The following ZDHHC7 variants were observed in gnomAD, a reference collection of about 807,000 sequenced individuals.
ZDHHC7 encodes the protein zDHHC palmitoyltransferase 7.
A neutral mutation model predicts 34.1 loss-of-function variants in ZDHHC7; 12 were observed. The ratio of observed to expected loss-of-function variants is 0.35; its 90% CI spans 0.23 to 0.57. The LOEUF (loss-of-function observed/expected upper bound fraction) is 0.57, where lower values mean the gene tolerates loss of function less well. ZDHHC7 is among the 20% of genes least tolerant of loss of function. ZDHHC7 has a pLI of 0.84. For missense variants in ZDHHC7, 388 were observed against 402.7 expected (o/e 0.96, Z 0.31); for synonymous variants, 185 against 155.4 (o/e 1.19, Z -1.42).
intron 4 of ZDHHC7, 42 bp downstream of exon 4, chr16:84,981,828 C>A: frequency 1.2e-6 from 2 of 1,612,886 alleles, no homozygotes; most frequent in Non-Finnish European, 1.7e-6. Flanking sequence ...CACGTACCCG[C>A]AGTGGCGGAT....
chr16:84,994,550 G>A (rs1019267575), intron 2 of ZDHHC7, among the ~76,000 whole-genome samples: 1 of 152,194 alleles, frequency 6.6e-6, no homozygotes, highest in Non-Finnish European at 1.5e-5. Flanking sequence ...AGGCACACAT[G>A]TGACACCTGA....
chr16:85,020,391 G>A, the ZDHHC7 span, among the ~76,000 whole-genome samples: 2 of 152,202 alleles, frequency 1.3e-5, no homozygotes, highest in African/African-American at 2.4e-5. Context: ...CTGTTATGGA[G>A]CTTAGAGTCC....
At chr16:85,009,935 C>T (rs1446820889) in intron 1 of ZDHHC7, among the ~76,000 whole-genome samples, 1 of 152,038 alleles carries the variant, frequency 6.6e-6, no homozygotes, top group Non-Finnish European at 1.5e-5. Context: ...GTCTCGATCT[C>T]CCGACTTCGT....
intron 1 of ZDHHC7, among the ~76,000 whole-genome samples, chr16:85,003,868 C>A (rs2072683192): frequency 6.6e-6 from 1 of 152,084 alleles, no homozygotes; most frequent in South Asian, 2.1e-4. Flanking sequence ...TGGGGGACAA[C>A]ACTGACTTCC....
chr16:84,979,516 A>T (rs1228026524), intron 4 of ZDHHC7, among the ~76,000 whole-genome samples: 1 of 152,210 alleles, frequency 6.6e-6, no homozygotes, highest in Non-Finnish European at 1.5e-5. Context: ...GAAAGGTCAA[A>T]CTAAGCCATA....
At position 84,977,098 on chromosome 16, in the gene ZDHHC7, C is replaced by T; in HGVS notation, c.747G>A (p.Glu249=). Residue 249 remains glutamate (E), a synonymous_variant, in exon 7 of 8, where the codon GAG becomes GAA. Transcript: ENST00000313732. ...GTQIHSICND[E]TEIERLKSEK... ...CACAGCCGAGAACAAAGCTTACCGT[C>T]TCGTCGTTGCATATGGAGTGGATTT... 3.7e-6 allele frequency: 6 copies of T among 1,614,170 alleles called. No homozygotes were observed. The highest frequency in any genetic ancestry group is 1.1e-5 in the South Asian group (1 of 91,082).
intron 1 of ZDHHC7, among the ~76,000 whole-genome samples, chr16:85,001,218 C>T (rs920401089): frequency 1.3e-5 from 2 of 152,150 alleles, no homozygotes; most frequent in South Asian, 4.1e-4. Flanking sequence ...TGCCCGTAAT[C>T]CCAGCACTTT....
At chr16:84,995,455 G>A (rs761225314) in intron 2 of ZDHHC7, among the ~76,000 whole-genome samples, 6 of 152,114 alleles carry the variant, frequency 3.9e-5, no homozygotes, top group East Asian at 1.9e-4. Context: ...GTGAAACCCC[G>A]TCTCTACCAA....
chr16:85,010,382 TAAC>T (rs1167710303), intron 1 of ZDHHC7, among the ~76,000 whole-genome samples: 1 of 151,896 alleles, frequency 6.6e-6, no homozygotes, highest in Non-Finnish European at 1.5e-5. Context: ...CTGTAAAACA[TAAC>T]AAAAAAGAGA....
the ZDHHC7 span, among the ~76,000 whole-genome samples, chr16:85,018,236 A>T: frequency 6.6e-6 from 1 of 152,264 alleles, no homozygotes; most frequent in East Asian, 1.9e-4. Flanking sequence ...ATGTTGAGTA[A>T]AAGCAGGAAG....
At chr16:85,026,434 A>G in the ZDHHC7 span, among the ~76,000 whole-genome samples, 50 of 152,236 alleles carry the variant, frequency 3.3e-4, no homozygotes, top group African/African-American at 1.0e-3. Flanking sequence ...CTTCACATGC[A>G]TGGTGGCCAC....
intron 4 of ZDHHC7, among the ~76,000 whole-genome samples, chr16:84,979,942 G>A (rs1218459436): frequency 7.0e-6 from 1 of 143,256 alleles, no homozygotes; most frequent in Non-Finnish European, 1.5e-5. Context: ...TGCTATCATA[G>A]CGTCACCTTT....
At chr16:85,017,354 C>T in the ZDHHC7 span, among the ~76,000 whole-genome samples, 2 of 152,012 alleles carry the variant, frequency 1.3e-5, no homozygotes, top group African/African-American at 4.8e-5. Flanking sequence ...GAATGAAACA[C>T]CACCAAGGGT....
intron 1 of ZDHHC7, among the ~76,000 whole-genome samples, chr16:85,007,627 A>C (rs553278596): frequency 3.9e-5 from 6 of 152,086 alleles, no homozygotes; most frequent in Middle Eastern, 3.4e-3. Context: ...ATCAGGAAGG[A>C]GGGACTGTCT....
rs1393580167 is a variant in ZDHHC7 at position 84,975,391 on chromosome 16, C to A, written c.*952G>T. ...CGGGCTGCCCCAAGTATCAAGTCAC[C>A]GAGCCGCAGCTCTGCTCTTACCTAG... On this transcript the variant is annotated 3_prime_UTR_variant, in exon 8 of 8. Coordinates refer to ENST00000313732, the MANE Select transcript of ZDHHC7 (RefSeq NM_017740.3). 1 of 152,238 alleles carries A rather than the reference C, an allele frequency of 6.6e-6. No individual in the cohort carries two copies. The highest frequency in any genetic ancestry group is 1.5e-5 in the Non-Finnish European group (1 of 68,098). 9.4% of individuals were successfully genotyped at this position (152,238 alleles called of 1,614,324 possible).
chr16:85,005,038 T>C (rs148537863), intron 1 of ZDHHC7: 1 of 152,210 alleles, frequency 6.6e-6, no homozygotes, highest in Non-Finnish European at 1.5e-5. Flanking sequence ...TCCCCTTTCA[T>C]CCCTGTACGA....
Position 84,976,249 on chromosome 16 carries a change from G to A in ZDHHC7, c.*94C>T. On this transcript the variant is annotated 3_prime_UTR_variant, in exon 8 of 8. Coordinates refer to ENST00000313732, the MANE Select transcript of ZDHHC7 (RefSeq NM_017740.3). ...CAATTGGTTTGTGTAGGTTCCAGTTGCCCTGTTGGTCACAGATGAGCTGTT... is the reference window on the plus strand; with the variant it reads ...CAATTGGTTTGTGTAGGTTCCAGTTACCCTGTTGGTCACAGATGAGCTGTT... The A allele has an allele frequency of 2.7e-6, 4 of 1,488,340 alleles. No individual in the cohort carries two copies. The highest frequency in any genetic ancestry group is 1.2e-5 in the South Asian group (1 of 82,180). The allele number at this position is 1,488,340 out of a possible 1,614,324, so 92.2% of individuals were successfully genotyped here.
the ZDHHC7 span, among the ~76,000 whole-genome samples, chr16:85,024,230 G>GTTTTTTTTTT: frequency 9.2e-6 from 1 of 108,730 alleles, no homozygotes; most frequent in Non-Finnish European, 1.8e-5. Flanking sequence ...AGAGTTTTTT[G>GTTTTTTTTTT]TTTTTTTTTT....
At chr16:84,978,316 A>G (rs1224601553) in intron 5 of ZDHHC7, among the ~76,000 whole-genome samples, 1 of 152,266 alleles carries the variant, frequency 6.6e-6, no homozygotes, top group African/African-American at 2.4e-5. Context: ...TTCTAAGAGC[A>G]AAGGCTGATG....
Sources: gnomAD v4.1 joint callset for allele counts (sites outside exome capture counted in the v4.1 genomes callset) on GRCh38, gnomAD v4.1.1 for gene constraint, MANE v1.5 for transcripts, NCBI Gene and HGNC (gene_info 2026-07-23, HGNC 2026-07-21) for gene names.